NFATC2: variants seen among roughly 807,000 people sequenced by gnomAD.
NFATC2 encodes nuclear factor of activated T-cells, cytoplasmic 2.
Under a neutral mutation model 87.3 loss-of-function variants are expected in NFATC2, and 22 were observed. The observed-to-expected ratio is 0.25, with a 90% CI of 0.18 to 0.36. The LOEUF is 0.36. NFATC2 is among the 10% of genes least tolerant of loss of function. The pLI is 1.00. For missense variants in NFATC2, 1,149 were observed against 1,259.1 expected (o/e 0.91, Z 1.32); for synonymous variants, 565 against 542.2 (o/e 1.04, Z -0.58).
At chr20:51,534,197 C>G (rs1456989630) in intron 1 of NFATC2, among the ~76,000 whole-genome samples, 1 of 120,486 alleles carries the variant, frequency 8.3e-6, no homozygotes, top group Non-Finnish European at 1.6e-5. Context: ...CCCAAGACCA[C>G]AAAAAGTCAG....
chr20:51,542,476 G>C lies in NFATC2; in HGVS notation c.24C>G (p.Pro8=). 6.4e-7 allele frequency: 1 copy of C among 1,559,810 alleles called. No homozygotes were observed. The change falls in exon 1 of 11, where the codon CCC becomes CCG. Residue 8 remains proline, a synonymous_variant. Transcript: ENST00000371564. The part of the protein sequence containing the change: MNAPERQ[P]QPDGGDAPGH... ...CTGGGGCGTCCCCGCCGTCGGGTTG[G>C]GGCTGCCGCTCGGGGGCGTTCATGG...
chr20:51,434,528 C>T (rs1198692600), intron 8 of NFATC2, among the ~76,000 whole-genome samples: 3 of 152,162 alleles, frequency 2.0e-5, no homozygotes, highest in African/African-American at 4.8e-5. Flanking sequence ...TCCAACATAT[C>T]AATAATATCA....
At position 51,452,551 on chromosome 20, in the gene NFATC2, C is replaced by T. The variant is rs535976787; in HGVS notation, c.1849+1997G>A. Among the ~76,000 whole-genome samples the T allele has an allele frequency of 7.0e-4, 107 of 152,296 alleles. 1 individual carries two copies. The highest frequency in any genetic ancestry group is 3.4e-3 in the Middle Eastern group (1 of 294). On this transcript the variant is annotated intron_variant, in intron 6 of 10. Transcript: ENST00000371564. ...TACCCACCAATCTCTTGCCTTTCCA[C>T]AGAGGTGAGATCATGGTTCATCCAA... is the stretch of plus-strand genomic sequence containing the variant.
intron 6 of NFATC2, among the ~76,000 whole-genome samples, chr20:51,442,934 C>T (rs1984566031): frequency 6.6e-6 from 1 of 152,170 alleles, no homozygotes; most frequent in Non-Finnish European, 1.5e-5. Flanking sequence ...TCCACCCAGG[C>T]TCAAGAGAGA....
intron 3 of NFATC2, among the ~76,000 whole-genome samples, chr20:51,493,854 C>T (rs970722853): frequency 2.0e-5 from 3 of 152,134 alleles, no homozygotes; most frequent in African/African-American, 7.2e-5. Context: ...AACGTGACAC[C>T]CTTGACCATC....
chr20:51,405,921 T>C (rs1051883556), intron 9 of NFATC2, among the ~76,000 whole-genome samples: 2 of 152,256 alleles, frequency 1.3e-5, no homozygotes, highest in African/African-American at 4.8e-5. Flanking sequence ...GGATTACAGG[T>C]GTCCGCCACC....
intron 9 of NFATC2, among the ~76,000 whole-genome samples, chr20:51,415,322 G>A (rs1051719628): frequency 2.0e-5 from 3 of 151,852 alleles, no homozygotes; most frequent in Non-Finnish European, 2.9e-5. Context: ...ATTTCCTTGT[G>A]TGTCTGCATC....
intron 2 of NFATC2, among the ~76,000 whole-genome samples, chr20:51,521,557 G>A (rs2076445399): frequency 6.6e-6 from 1 of 152,222 alleles, no homozygotes; most frequent in East Asian, 1.9e-4. Context: ...GCTACCTCAG[G>A]TGATTCGCCC....
chr20:51,540,658 G>GTTTTTTTT lies in NFATC2; in HGVS notation c.130+1704_130+1711dup, dbSNP rs397864888. Among the ~76,000 whole-genome samples the GTTTTTTTT allele has an allele frequency of 3.8e-3, 415 of 110,058 alleles. 12 individuals carry two copies. Among genetic ancestry groups the GTTTTTTTT allele is most frequent in the African/African-American group, 0.015 (391 of 26,936 alleles). The allele number at this position is 110,058 out of a possible 152,430, so 72.2% of individuals were successfully genotyped here. A position where few individuals can be genotyped will look rare whatever the true frequency, so the allele number is the denominator to read the frequency against. ...TTCCAAAAACTGAAGTTTTTTTTTT[G>GTTTTTTTT]TTTTTTTTTTTTTGAGAAAACAGAT... On this transcript the variant is annotated intron_variant, in intron 1 of 10. Transcript: ENST00000371564.
chr20:51,501,171 TC>T, intron 3 of NFATC2, among the ~76,000 whole-genome samples: 1 of 151,994 alleles, frequency 6.6e-6, no homozygotes, highest in Non-Finnish European at 1.5e-5. Flanking sequence ...AGACAACACT[TC>T]CTCTATACCT....
chr20:51,505,813 G>A (rs190642794), intron 3 of NFATC2, among the ~76,000 whole-genome samples: 181 of 152,222 alleles, frequency 1.2e-3, no homozygotes, highest in African/African-American at 3.7e-3. Flanking sequence ...GAGAGGGAAC[G>A]CCCTCCACAC....
intron 9 of NFATC2, among the ~76,000 whole-genome samples, chr20:51,399,736 C>G (rs1371478466): frequency 1.3e-5 from 2 of 152,204 alleles, no homozygotes; most frequent in Non-Finnish European, 2.9e-5. Flanking sequence ...GCAAACATTT[C>G]CAGGTGGATG....
At chr20:51,407,018 A>G (rs1010848522) in intron 9 of NFATC2, among the ~76,000 whole-genome samples, 5 of 152,134 alleles carry the variant, frequency 3.3e-5, no homozygotes, top group African/African-American at 1.2e-4. Context: ...ACTCTCCCCT[A>G]GTCCACAGTC....
At chr20:51,402,995 A>C (rs1490503215) in intron 9 of NFATC2, among the ~76,000 whole-genome samples, 1 of 152,104 alleles carries the variant, frequency 6.6e-6, no homozygotes, top group East Asian at 1.9e-4. Flanking sequence ...TTCTATGTTT[A>C]CCCACATATG....
chr20:51,435,949 G>C (rs62227359), intron 6 of NFATC2, among the ~76,000 whole-genome samples, 188 bp from the exon 7 acceptor site: 14 of 152,156 alleles, frequency 9.2e-5, no homozygotes, highest in Non-Finnish European at 1.5e-4. Context: ...TCCAAAAGGA[G>C]ACATGGTGTC....
At chr20:51,512,620 A>G (rs984844344) in intron 3 of NFATC2, among the ~76,000 whole-genome samples, 17 of 152,248 alleles carry the variant, frequency 1.1e-4, no homozygotes, top group Non-Finnish European at 2.2e-4. Context: ...TGAGCATGGC[A>G]TATGTTTAAG....
chr20:51,403,880 C>T (rs1006205985), intron 9 of NFATC2, among the ~76,000 whole-genome samples: 18 of 152,134 alleles, frequency 1.2e-4, no homozygotes, highest in African/African-American at 4.1e-4. Context: ...TTATGTGGCC[C>T]GAGCTGACTG....
intron 10 of NFATC2, among the ~76,000 whole-genome samples, chr20:51,395,133 C>T (rs894118235): frequency 9.9e-5 from 15 of 152,202 alleles, no homozygotes; most frequent in Admixed American, 9.8e-4. Context: ...GAGCCATTCA[C>T]ATTTCCTGAG....
chr20:51,407,440 G>A (rs1043960863), intron 9 of NFATC2, among the ~76,000 whole-genome samples: 6 of 152,242 alleles, frequency 3.9e-5, no homozygotes, highest in South Asian at 2.1e-4. Context: ...ATGATTTAGC[G>A]AAAGAATGGA....
Sources: gnomAD v4.1 joint callset for allele counts (sites outside exome capture counted in the v4.1 genomes callset) on GRCh38, gnomAD v4.1.1 for gene constraint, MANE v1.5 for transcripts, NCBI Gene and HGNC (gene_info 2026-07-23, HGNC 2026-07-21) for gene names.